The following ANO3 variants were observed in gnomAD, a reference collection of about 807,000 sequenced individuals.
ANO3 encodes anoctamin-3.
A neutral mutation model predicts 144.8 loss-of-function variants in ANO3; 99 were observed. The observed-to-expected ratio is 0.68, with a 90% confidence interval of 0.58 to 0.81. The LOEUF is 0.81. ANO3 is among the 30% of genes least tolerant of loss of function. ANO3 has a pLI of 0.00. For missense variants in ANO3, 905 were observed against 1,202.2 expected, an observed-to-expected ratio of 0.75 and a Z score of 3.66; for synonymous variants, 414 against 392.6, an observed-to-expected ratio of 1.05 and a Z score of -0.64.
chr11:26,389,673 A>C (rs1437636873), intron 1 of ANO3, among the ~76,000 whole-genome samples: 1 of 152,098 alleles, frequency 6.6e-6, no homozygotes, highest in Non-Finnish European at 1.5e-5. Flanking sequence ...AATATGTATT[A>C]AGTACCACAT....
At chr11:26,446,096 T>C (rs1338025727) in intron 3 of ANO3, among the ~76,000 whole-genome samples, 1 of 152,140 alleles carries the variant, frequency 6.6e-6, no homozygotes, top group Non-Finnish European at 1.5e-5. Flanking sequence ...CCTACCAAAG[T>C]GCTGGGATTA....
chr11:26,232,496 T>C (rs1852423075), intron 1 of ANO3, among the ~76,000 whole-genome samples: 1 of 152,102 alleles, frequency 6.6e-6, no homozygotes, highest in Admixed American at 6.5e-5. Context: ...CATTTCTTGC[T>C]TAAAGCAGTT....
At chr11:26,530,126 T>C (rs139808519) in intron 7 of ANO3, among the ~76,000 whole-genome samples, 52 of 152,324 alleles carry the variant, frequency 3.4e-4, no homozygotes, top group African/African-American at 1.3e-3. Flanking sequence ...AAAGGCTTTT[T>C]GCCTCAGTGT....
At chr11:26,396,834 T>G (rs934119384) in intron 1 of ANO3, among the ~76,000 whole-genome samples, 4 of 151,732 alleles carry the variant, frequency 2.6e-5, no homozygotes, top group Admixed American at 2.0e-4. Flanking sequence ...AGGAGAAATA[T>G]CTAATGTAGA....
intron 1 of ANO3, among the ~76,000 whole-genome samples, chr11:26,268,122 C>G (rs1853355787): frequency 6.6e-6 from 1 of 152,150 alleles, no homozygotes; most frequent in Admixed American, 6.5e-5. Flanking sequence ...TCAAATACTG[C>G]CTGAAGCACC....
intron 7 of ANO3, 31 bp downstream of exon 7, chr11:26,525,710 C>T (rs1314236920): frequency 6.4e-7 from 1 of 1,573,080 alleles, no homozygotes; most frequent in Non-Finnish European, 8.7e-7. Flanking sequence ...TTCTTTATAA[C>T]AAATTTGTCG....
chr11:26,336,982 G>A (rs1855210690), intron 1 of ANO3, among the ~76,000 whole-genome samples: 2 of 152,008 alleles, frequency 1.3e-5, no homozygotes, highest in Admixed American at 6.6e-5. Flanking sequence ...GAAAGAATTG[G>A]GAGTCTAATC....
At chr11:26,318,905 C>A (rs1206262266) in intron 1 of ANO3, among the ~76,000 whole-genome samples, 1 of 152,116 alleles carries the variant, frequency 6.6e-6, no homozygotes, top group African/African-American at 2.4e-5. Context: ...CATACATATA[C>A]ATAATTTTAC....
At chr11:26,529,485 T>G (rs1849311682) in intron 7 of ANO3, among the ~76,000 whole-genome samples, 1 of 121,724 alleles carries the variant, frequency 8.2e-6, no homozygotes, top group African/African-American at 3.2e-5. Flanking sequence ...TATATTACCA[T>G]AATAGAGTTG....
chr11:26,305,101 A>G (rs542033968), upstream of ANO3, among the ~76,000 whole-genome samples: 16 of 152,040 alleles, frequency 1.1e-4, no homozygotes, highest in African/African-American at 2.9e-4. Flanking sequence ...CAGTTATCCA[A>G]TTAGATGTTT....
At chr11:26,216,136 T>C (rs963823311) in intron 1 of ANO3, among the ~76,000 whole-genome samples, 2 of 152,034 alleles carry the variant, frequency 1.3e-5, no homozygotes, top group Non-Finnish European at 2.9e-5. Context: ...TTATTCCTTT[T>C]ATCTTAGAAT....
chr11:26,486,165 A>G (rs1205108055), intron 4 of ANO3, among the ~76,000 whole-genome samples: 1 of 152,132 alleles, frequency 6.6e-6, no homozygotes, highest in Non-Finnish European at 1.5e-5. Flanking sequence ...GTTCAAGACC[A>G]GTCTGGCCAA....
chr11:26,591,860 G>A (rs576952409), intron 14 of ANO3, among the ~76,000 whole-genome samples: 8 of 152,126 alleles, frequency 5.3e-5, no homozygotes, highest in Admixed American at 6.5e-5. Context: ...CAGTATCCAG[G>A]GTTTGACTTG....
chr11:26,635,128 C>A, intron 20 of ANO3, 58 bp downstream of exon 20: 3 of 1,459,448 alleles, frequency 2.1e-6, no homozygotes, highest in South Asian at 1.2e-5. Flanking sequence ...CCAGTTACTG[C>A]GGGAGGAAGG....
chr11:26,438,769 ACT>A (rs929401143), intron 1 of ANO3, among the ~76,000 whole-genome samples: 9 of 144,472 alleles, frequency 6.2e-5, no homozygotes, highest in Non-Finnish European at 9.1e-5. Flanking sequence ...CAAGAGCAAA[ACT>A]CTGTCTCAAA....
At chr11:26,618,882 A>AT (rs1177748659) in intron 17 of ANO3, among the ~76,000 whole-genome samples, 3 of 151,946 alleles carry the variant, frequency 2.0e-5, no homozygotes, top group South Asian at 2.1e-4. Flanking sequence ...TCCATAAAGC[A>AT]TTTTTTTCAA....
chr11:26,345,917 T>C (rs1235979490), intron 1 of ANO3, among the ~76,000 whole-genome samples: 2 of 152,162 alleles, frequency 1.3e-5, no homozygotes. Flanking sequence ...TATAAATATA[T>C]AGAAAAGCTG....
chr11:26,439,232 T>C (rs905421559), intron 1 of ANO3, among the ~76,000 whole-genome samples: 12 of 152,272 alleles, frequency 7.9e-5, no homozygotes, highest in African/African-American at 2.9e-4. Flanking sequence ...GAAGAAAACA[T>C]AGGAGTAAAT....
At chr11:26,464,775 C>T (rs1859536605) in intron 4 of ANO3, among the ~76,000 whole-genome samples, 1 of 151,830 alleles carries the variant, frequency 6.6e-6, no homozygotes, top group African/African-American at 2.4e-5. Context: ...ATACCCTTCT[C>T]CTATTATACT....
Sources: allele counts gnomAD v4.1 joint callset (sites outside exome capture counted in the v4.1 genomes callset), GRCh38; gene constraint gnomAD v4.1.1; transcripts MANE v1.5; gene names NCBI Gene and HGNC (gene_info 2026-07-23, HGNC 2026-07-21).